DDX24: variants seen among roughly 807,000 people sequenced by gnomAD.
The protein encoded by DDX24 is DEAD-box helicase 24.
A neutral mutation model predicts 68.9 loss-of-function variants in DDX24; 24 were observed. That is an observed-to-expected ratio of 0.35 (90% CI 0.25 to 0.49). The LOEUF is 0.49. Among genes scored for constraint, DDX24 ranks in the 20% least tolerant of loss-of-function variants. The pLI is 0.99. For missense variants in DDX24, 989 were observed against 1,039.0 expected (o/e 0.95, Z 0.66); for synonymous variants, 395 against 385.2 (o/e 1.03, Z -0.30).
At chr14:94,067,503 C>G (rs1220415340) in intron 2 of DDX24, among the ~76,000 whole-genome samples, 1 of 152,106 alleles carries the variant, frequency 6.6e-6, no homozygotes, top group Non-Finnish European at 1.5e-5. Flanking sequence ...AAATTCACTG[C>G]AAAAAGATCT....
At chr14:94,080,729 A>G (rs910742449) in intron 1 of DDX24, among the ~76,000 whole-genome samples, 1 of 152,082 alleles carries the variant, frequency 6.6e-6, no homozygotes, top group Non-Finnish European at 1.5e-5. Context: ...AAAAACACAA[A>G]GAAACACGCG....
rs751084573 is a variant in DDX24, at chr14:94,060,003, A to T, written c.1913+95T>A. On this transcript the variant is annotated intron_variant, in intron 5 of 8. Coordinates refer to ENST00000621632, the MANE Select transcript of DDX24 (RefSeq NM_020414.4). ...ACTACTGAGACAAGGCCCCTATGAC[A>T]GAAGGTGGCTTTTCTACCATTTCCC... 321 of 1,436,032 alleles carry T rather than the reference A, an allele frequency of 2.2e-4. 1 individual carries two copies. The highest frequency in any genetic ancestry group is 2.9e-4 in the Non-Finnish European group (307 of 1,072,208). 89.0% of individuals were successfully genotyped at this position (1,436,032 alleles called of 1,614,324 possible). A position where few individuals can be genotyped will look rare whatever the true frequency, so the allele number is the denominator to read the frequency against.
At chr14:94,080,823 T>A (rs1288437333) in intron 1 of DDX24, among the ~76,000 whole-genome samples, 2 of 151,966 alleles carry the variant, frequency 1.3e-5, no homozygotes, top group Non-Finnish European at 1.5e-5. Context: ...AGGGCCTCTG[T>A]CTCCTCGTGA....
rs1260540705 is a variant in DDX24 at position 94,079,121 on chromosome 14, T to C, written c.622A>G (p.Ser208Gly). 6.2e-7 allele frequency: 1 copy of C among 1,614,208 alleles called. No homozygotes were observed. Among genetic ancestry groups the C allele is most frequent in the Admixed American group, 1.7e-5 (1 of 60,022 alleles). Residue 208 changes from serine to glycine, a missense_variant, in exon 2 of 9, where the codon AGC (serine) becomes GGC (glycine). Coordinates refer to ENST00000621632, the MANE Select transcript of DDX24 (RefSeq NM_020414.4). ...GTGGGTGCAGAGAAGCCTAGAAAGC[T>C]GAGTGCTCGGAGAACCGGCCTGGGA... is the stretch of plus-strand genomic sequence containing the variant. ...FVPRPVLRAL[S>G]FLGFSAPTPI...
At chr14:94,063,728 T>C (rs530259590) in intron 2 of DDX24, among the ~76,000 whole-genome samples, 10 of 151,908 alleles carry the variant, frequency 6.6e-5, no homozygotes, top group South Asian at 6.2e-4. Context: ...CTGGGCAACA[T>C]AGTGAGACTC....
At chr14:94,060,851 T>A in intron 4 of DDX24, 62 bp downstream of exon 4, 1 of 1,593,772 alleles carries the variant, frequency 6.3e-7, no homozygotes, top group South Asian at 1.1e-5. Flanking sequence ...GCCCACACCA[T>A]GTCACCTAAG....
In DDX24 at chr14:94,060,328, C is replaced by G; in HGVS notation, c.1683G>C (p.Glu561Asp). Residue 561 changes from glutamate to aspartate, a missense_variant, in exon 5 of 9, where the codon GAG (glutamate) becomes GAC (aspartate). Glu to Asp is a conservative substitution (Grantham distance 45). Around this residue, in one of 3 missense-constraint regions of DDX24, gnomAD observed 691 missense variants for 760.0 expected, o/e 0.91. Transcript: ENST00000621632. Reference sequence around the variant, plus strand: ...AATGGATCTTGGTCTCTGTTAGCGTCTCCACCGTGGCCTCATTCCTTGTGA... The same window carrying G: ...AATGGATCTTGGTCTCTGTTAGCGTGTCCACCGTGGCCTCATTCCTTGTGA... ...IDLTRNEATV[E>D]TLTETKIHCE... 6.2e-7 allele frequency: 1 copy of G among 1,614,216 alleles called. No homozygotes were observed. The highest frequency in any genetic ancestry group is 1.7e-5 in the Admixed American group (1 of 60,028).
chr14:94,054,740 G>A (rs1291437291), intron 7 of DDX24, among the ~76,000 whole-genome samples: 1 of 152,228 alleles, frequency 6.6e-6, no homozygotes, highest in African/African-American at 2.4e-5. Context: ...ACTGTCTGGT[G>A]AGGAGGGGGG....
At chr14:94,075,966 T>A (rs1005096058) in intron 2 of DDX24, among the ~76,000 whole-genome samples, 4 of 152,238 alleles carry the variant, frequency 2.6e-5, no homozygotes, top group African/African-American at 9.6e-5. Flanking sequence ...AATTAAAGAC[T>A]GAGCATACCT....
chr14:94,057,513 C>T (rs1295079593), intron 6 of DDX24: 1 of 314,626 alleles, frequency 3.2e-6, no homozygotes, highest in Non-Finnish European at 5.8e-6. Context: ...TCTATTAATA[C>T]TTCTCTACAT....
intron 2 of DDX24, among the ~76,000 whole-genome samples, chr14:94,078,266 G>A (rs531613523): frequency 6.6e-6 from 1 of 152,166 alleles, no homozygotes; most frequent in South Asian, 2.1e-4. Flanking sequence ...GGGAGGTCCT[G>A]GAACCAATCC....
chr14:94,075,036 T>C (rs1243696706), intron 2 of DDX24, among the ~76,000 whole-genome samples: 1 of 152,206 alleles, frequency 6.6e-6, no homozygotes, highest in Non-Finnish European at 1.5e-5. Flanking sequence ...AGAGATACCA[T>C]ATTCATAGAC....
In DDX24 at chr14:94,079,760, T is replaced by C. The variant is rs979015088; in HGVS notation, c.-5-13A>G. On this transcript the variant is annotated splice_polypyrimidine_tract_variant and intron_variant, in intron 1 of 8. Transcript: ENST00000621632. Reference sequence around the variant, plus strand: ...AACTTCATGGTTGCTGAAAAGGAGATACATGTTCTATTAGGTTGGTGTCTG... The same window carrying C: ...AACTTCATGGTTGCTGAAAAGGAGACACATGTTCTATTAGGTTGGTGTCTG... 4 of 1,607,620 alleles carry C rather than the reference T, an allele frequency of 2.5e-6. No homozygotes were observed. Among genetic ancestry groups the C allele is most frequent in the Non-Finnish European group, 2.6e-6 (3 of 1,176,426 alleles).
chr14:94,054,959 T>C (rs760828683), intron 7 of DDX24, 37 bp downstream of exon 7: 1 of 1,603,140 alleles, frequency 6.2e-7, no homozygotes, highest in Non-Finnish European at 8.5e-7. Context: ...AGCAGCACAA[T>C]CCCTTCATTA....
Position 94,057,329 on chromosome 14 carries a change from GCTT to G in DDX24, c.1989+490_1989+492del, listed in dbSNP as rs199776259. On this transcript the variant is annotated intron_variant, in intron 6 of 8. Coordinates refer to ENST00000621632, the MANE Select transcript of DDX24 (RefSeq NM_020414.4). The stretch of plus-strand genomic sequence containing the variant: ...GTAAGTGCTTGCAATGTGCCAGGTG[GCTT>G]CTTAAGCTCTTTATACTTAGTAACT... The G allele has an allele frequency of 9.5e-3, 1,449 of 152,964 alleles. 9 individuals carry two copies. Among genetic ancestry groups the G allele is most frequent in the Non-Finnish European group, 0.015 (1,056 of 68,572 alleles). 9.5% of individuals were successfully genotyped at this position (152,964 alleles called of 1,614,324 possible).
At chr14:94,066,695 G>T (rs184958793) in intron 2 of DDX24, among the ~76,000 whole-genome samples, 1 of 152,322 alleles carries the variant, frequency 6.6e-6, no homozygotes, top group Non-Finnish European at 1.5e-5. Flanking sequence ...CCAGCCCAGA[G>T]CCGGGTAGAT....
chr14:94,056,868 T>C (rs1885501263), intron 6 of DDX24: 1 of 152,184 alleles, frequency 6.6e-6, no homozygotes, highest in Non-Finnish European at 1.5e-5. Flanking sequence ...GTTACAGAAG[T>C]CTTCTATGTT....
At chr14:94,079,802 G>T in intron 1 of DDX24, 55 bp from the exon 2 acceptor site, 7 of 1,502,192 alleles carry the variant, frequency 4.7e-6, no homozygotes, top group Non-Finnish European at 6.3e-6. Flanking sequence ...AGAGGGTTCT[G>T]ATGTAACAAA....
chr14:94,078,462 C>G (rs1410903963), intron 2 of DDX24, among the ~76,000 whole-genome samples: 1 of 152,190 alleles, frequency 6.6e-6, no homozygotes, highest in East Asian at 1.9e-4. Context: ...CCTAACACTT[C>G]ATAGCTGAAT....
Sources: allele counts gnomAD v4.1 joint callset (sites outside exome capture counted in the v4.1 genomes callset), GRCh38; gene constraint gnomAD v4.1.1; regional missense constraint gnomAD v4.1.1; transcripts MANE v1.5; gene names NCBI Gene and HGNC (gene_info 2026-07-23, HGNC 2026-07-21).